The following NUDT4 variants were observed in gnomAD, a reference collection of about 807,000 sequenced individuals.
NUDT4 encodes the protein nudix hydrolase 4.
In NUDT4, 5 loss-of-function variants were observed where a neutral mutation model predicts 23.1. That is an observed-to-expected ratio of 0.22 (90% CI 0.11 to 0.46). NUDT4 has a LOEUF of 0.46. NUDT4 is among the 20% of genes least tolerant of loss of function. NUDT4 has a pLI of 0.99. For missense variants in NUDT4, 96 were observed against 211.6 expected (o/e 0.45, Z 3.39); for synonymous variants, 50 against 79.0 (o/e 0.63, Z 1.95).
chr12:93,390,606 A>AC (rs774478589), intron 1 of NUDT4, among the ~76,000 whole-genome samples: 27 of 151,404 alleles, frequency 1.8e-4, no homozygotes, highest in Middle Eastern at 6.8e-3. Flanking sequence ...TAATGTAATA[A>AC]CCCCCCCTCC....
chr12:93,385,732 A>T (rs919502247), intron 1 of NUDT4, among the ~76,000 whole-genome samples: 3 of 151,880 alleles, frequency 2.0e-5, no homozygotes, highest in Admixed American at 1.3e-4. Context: ...AGATTCTTCC[A>T]CTTTTGTAGG....
chr12:93,394,580 G>T (rs1876796334), intron 1 of NUDT4, 29 bp from the exon 2 acceptor site: 1 of 1,308,370 alleles, frequency 7.6e-7, no homozygotes, highest in Non-Finnish European at 1.1e-6. Context: ...TCTCAGGCTG[G>T]AAGTATACAG....
chr12:93,386,267 C>T (rs1198731784), intron 1 of NUDT4, among the ~76,000 whole-genome samples: 3 of 151,950 alleles, frequency 2.0e-5, no homozygotes, highest in Admixed American at 2.0e-4. Flanking sequence ...GCCATTGTGC[C>T]TGGCCTATAG....
chr12:93,401,032 TA>T lies in NUDT4; in HGVS notation c.*1658del, dbSNP rs1189318241. ...TAACCTTTAAAAATATAATTACTGCTAAAAATAGAGTGCTGTTACACTTAAG... is the reference window on the plus strand; with the variant it reads ...TAACCTTTAAAAATATAATTACTGCTAAAATAGAGTGCTGTTACACTTAAG... On this transcript the variant is annotated 3_prime_UTR_variant, in exon 5 of 5. Coordinates refer to ENST00000415493, the MANE Select transcript of NUDT4 (RefSeq NM_019094.6). 6.6e-6 allele frequency: 1 copy of T among 152,024 alleles called. No homozygotes were observed. Among genetic ancestry groups the T allele is most frequent in the Non-Finnish European group, 1.5e-5 (1 of 67,932 alleles). 9.4% of individuals were successfully genotyped at this position (152,024 alleles called of 1,614,324 possible).
Position 93,400,621 on chromosome 12 carries a change from T to G in NUDT4, c.*1242T>G, listed in dbSNP as rs1175076264. ...GAGGGATGGGGGAAAGTAAAAGATGTTTTTTTTTTTTTGAGACTCGCTTTG... is the reference window on the plus strand; with the variant it reads ...GAGGGATGGGGGAAAGTAAAAGATGGTTTTTTTTTTTTGAGACTCGCTTTG... On this transcript the variant is annotated 3_prime_UTR_variant, in exon 5 of 5. Coordinates refer to ENST00000415493, the MANE Select transcript of NUDT4 (RefSeq NM_019094.6). The G allele has an allele frequency of 1.5e-5, 1 of 66,316 alleles. No individual in the cohort carries two copies. Among genetic ancestry groups the G allele is most frequent in the Non-Finnish European group, 2.8e-5 (1 of 35,498 alleles). 4.1% of individuals were successfully genotyped at this position (66,316 alleles called of 1,614,324 possible).
intron 1 of NUDT4, among the ~76,000 whole-genome samples, chr12:93,386,255 G>A (rs1876088588): frequency 6.6e-6 from 1 of 151,960 alleles, no homozygotes; most frequent in African/African-American, 2.4e-5. Context: ...TTACGGGTGT[G>A]AGCCATTGTG....
chr12:93,378,518 T>A, intron 1 of NUDT4, 97 bp downstream of exon 1: 1 of 1,327,918 alleles, frequency 7.5e-7, no homozygotes, highest in Non-Finnish European at 9.8e-7. Flanking sequence ...GCTGCGGGGC[T>A]GGGAGGGATT....
intron 1 of NUDT4, among the ~76,000 whole-genome samples, chr12:93,383,128 A>G (rs1463885889): frequency 6.6e-6 from 1 of 151,962 alleles, no homozygotes; most frequent in African/African-American, 2.4e-5. Flanking sequence ...CTCTAATTGA[A>G]AAAAAGCTTA....
At position 93,395,378 on chromosome 12, in the gene NUDT4, G is replaced by GA. The variant is rs1419271347; in HGVS notation, c.211-110dup. The stretch of plus-strand genomic sequence containing the variant: ...CAGGAAGATAGTGAGTTGGTATGGG[G>GA]AGGGGTATTGTATTTAATTAGATTT... On this transcript the variant is annotated intron_variant, in intron 2 of 4. Transcript: ENST00000415493. The GA allele has an allele frequency of 2.1e-5, 16 of 757,056 alleles. 1 individual carries two copies. Among genetic ancestry groups the GA allele is most frequent in the Admixed American group, 1.9e-4 (9 of 46,382 alleles). 46.9% of individuals were successfully genotyped at this position (757,056 alleles called of 1,614,324 possible). A position where few individuals can be genotyped will look rare whatever the true frequency, so the allele number is the denominator to read the frequency against.
rs117797361 is a variant in NUDT4 at position 93,393,465 on chromosome 12, C to T, written c.100-1144C>T. 2.0e-5 allele frequency among the ~76,000 whole-genome samples: 3 copies of T among 152,182 alleles called. No homozygotes were observed. In the East Asian group the frequency reaches 5.8e-4, roughly 29 times the overall value. ...ATAGACTTCCAAATTAAGGGCCAGA[C>T]AAACATTTTAAGTTTTGAGGGCCAC... On this transcript the variant is annotated intron_variant, in intron 1 of 4. Transcript: ENST00000415493.
At chr12:93,378,712 G>T in intron 1 of NUDT4, 1 of 1,116,426 alleles carries the variant, frequency 9.0e-7, no homozygotes, top group Non-Finnish European at 1.1e-6. Flanking sequence ...CGCCTAGCGG[G>T]AGTCACCATC....
intron 1 of NUDT4, among the ~76,000 whole-genome samples, chr12:93,392,683 TTC>T (rs1491214654): frequency 5.0e-4 from 56 of 111,686 alleles, no homozygotes; most frequent in South Asian, 9.3e-4. Context: ...TTTTTTTTTT[TTC>T]CCCCGAGATG....
intron 1 of NUDT4, chr12:93,384,995 C>G (rs1315970236): frequency 6.6e-6 from 1 of 151,978 alleles, no homozygotes; most frequent in African/African-American, 2.4e-5. Context: ...CCATGTTGGC[C>G]AAGCTGGTCT....
intron 1 of NUDT4, among the ~76,000 whole-genome samples, chr12:93,389,890 ACT>A (rs1301247352): frequency 1.3e-5 from 2 of 149,594 alleles, no homozygotes; most frequent in Non-Finnish European, 3.0e-5. Context: ...ACAGAGCGAG[ACT>A]CTGTCTCAAA....
chr12:93,387,867 A>G (rs1357279059), intron 1 of NUDT4, among the ~76,000 whole-genome samples: 1 of 151,780 alleles, frequency 6.6e-6, no homozygotes, highest in Non-Finnish European at 1.5e-5. Context: ...ATATTTTTCC[A>G]CCCTGGCAGA....
chr12:93,394,821 C>T, intron 2 of NUDT4, 102 bp downstream of exon 2: 5 of 627,418 alleles, frequency 8.0e-6, no homozygotes, highest in Non-Finnish European at 1.4e-5. Flanking sequence ...GTGCTTTTTG[C>T]CTGATGCAAC....
rs1877905358 is a variant in NUDT4, at chr12:93,407,926, A to T, written c.*8547A>T. The T allele has an allele frequency of 6.6e-6, 1 of 152,112 alleles. No homozygotes were observed. The highest frequency in any genetic ancestry group is 1.5e-5 in the Non-Finnish European group (1 of 67,976). 9.4% of individuals were successfully genotyped at this position (152,112 alleles called of 1,614,324 possible). A position where few individuals can be genotyped will look rare whatever the true frequency, so the allele number is the denominator to read the frequency against. On this transcript the variant is annotated 3_prime_UTR_variant, in exon 5 of 5. Transcript: ENST00000415493. Reference sequence around the variant, plus strand: ...CTTACCAAAACTGCAAAGGAAAAAAATATGATACCATGAAATTAGAAATTC... The same window carrying T: ...CTTACCAAAACTGCAAAGGAAAAAATTATGATACCATGAAATTAGAAATTC...
In NUDT4 at chr12:93,406,275, C is replaced by CAAAAAAAAAAAAAAAAAAAAAAAAAAAA. The variant is rs58309798; in HGVS notation, c.*6899_*6926dup. ...AGAGCTAGAAAGTGGCTAGAGCAGC[C>CAAAAAAAAAAAAAAAAAAAAAAAAAAAA]AAAAAAAAAAAAAAAAAAAAAAAAA... On this transcript the variant is annotated 3_prime_UTR_variant, in exon 5 of 5. Transcript: ENST00000415493. 3 of 38,002 alleles carry CAAAAAAAAAAAAAAAAAAAAAAAAAAAA rather than the reference C, an allele frequency of 7.9e-5. No homozygotes were observed. The highest frequency in any genetic ancestry group is 4.9e-4 in the Admixed American group (1 of 2,044). 2.4% of individuals were successfully genotyped at this position (38,002 alleles called of 1,614,324 possible). A position where few individuals can be genotyped will look rare whatever the true frequency, so the allele number is the denominator to read the frequency against.
chr12:93,394,151 C>T (rs1056916062), intron 1 of NUDT4, among the ~76,000 whole-genome samples: 5 of 152,118 alleles, frequency 3.3e-5, no homozygotes, highest in Non-Finnish European at 5.9e-5. Context: ...TATAGGCGCC[C>T]GCCACCATGC....
Sources: allele counts gnomAD v4.1 joint callset (sites outside exome capture counted in the v4.1 genomes callset), GRCh38; gene constraint gnomAD v4.1.1; transcripts MANE v1.5; gene names NCBI Gene and HGNC (gene_info 2026-07-23, HGNC 2026-07-21).